The following MYCBP2 variants were observed in gnomAD, a reference collection of about 807,000 sequenced individuals.
MYCBP2 encodes the protein E3 ubiquitin-protein ligase MYCBP2.
A neutral mutation model predicts 525.3 loss-of-function variants in MYCBP2; 120 were observed. The observed-to-expected ratio is 0.23, with a 90% CI of 0.20 to 0.27. The LOEUF (loss-of-function observed/expected upper bound fraction) is 0.27. MYCBP2 is among the 10% of genes least tolerant of loss of function. MYCBP2 has a pLI of 1.00. For missense variants in MYCBP2, 4,149 were observed against 5,657.1 expected (o/e 0.73, Z 8.55); for synonymous variants, 1,894 against 1,955.8 (o/e 0.97, Z 0.83).
At position 77,051,794 on chromosome 13, in the gene MYCBP2, T is replaced by G. The variant is rs1480988281; in HGVS notation, c.13755+17A>C. On this transcript the variant is annotated intron_variant, in intron 81 of 82. Coordinates refer to ENST00000544440, the MANE Select transcript of MYCBP2 (RefSeq NM_015057.5). ...AACATTTCTAAACTGTTGTTTCTAA[T>G]AAAATGTTCTGCCTACCTGAGCCCT... 1.3e-6 allele frequency: 2 copies of G among 1,585,682 alleles called. No homozygotes were observed. The highest frequency in any genetic ancestry group is 1.7e-6 in the Non-Finnish European group (2 of 1,156,048).
At chr13:77,084,952 A>G (rs1007814971) in intron 62 of MYCBP2, among the ~76,000 whole-genome samples, 5 of 151,690 alleles carry the variant, frequency 3.3e-5, no homozygotes, top group Admixed American at 6.6e-5. Flanking sequence ...TCTTTTCCCA[A>G]TTGTGGGGCT....
At chr13:77,102,100 T>TTAC (rs2047156378) in intron 55 of MYCBP2, among the ~76,000 whole-genome samples, 1 of 151,898 alleles carries the variant, frequency 6.6e-6, no homozygotes, top group Non-Finnish European at 1.5e-5. Flanking sequence ...ACATGTTAAA[T>TTAC]GGTAAGCATT....
chr13:77,277,506 T>C (rs1209975031), intron 4 of MYCBP2, among the ~76,000 whole-genome samples: 1 of 151,906 alleles, frequency 6.6e-6, no homozygotes, highest in African/African-American at 2.4e-5. Flanking sequence ...AATAACTGAG[T>C]CCCCACATGC....
intron 43 of MYCBP2, 52 bp from the exon 44 acceptor site, chr13:77,162,007 T>C: frequency 7.9e-7 from 1 of 1,258,864 alleles, no homozygotes; most frequent in Non-Finnish European, 1.1e-6. Flanking sequence ...TTAGTTTAGT[T>C]TAATTTTCTA....
chr13:77,140,784 G>T, intron 50 of MYCBP2, 62 bp downstream of exon 50: 1 of 1,194,146 alleles, frequency 8.4e-7, no homozygotes, highest in Non-Finnish European at 1.2e-6. Flanking sequence ...TGGCCATTTT[G>T]AAGCATCAGT....
At chr13:77,105,242 G>T (rs1354582146) in intron 55 of MYCBP2, among the ~76,000 whole-genome samples, 1 of 152,036 alleles carries the variant, frequency 6.6e-6, no homozygotes, top group Non-Finnish European at 1.5e-5. Flanking sequence ...ACATAAAACA[G>T]AAATGTGAAA....
In MYCBP2 at chr13:77,125,448, T is replaced by C. The variant is rs943242118; in HGVS notation, c.7905A>G (p.Thr2635=). ...AVGEVTNSEG[T]WVQLDQNSMV... ...TGCTGTTCTGATCCAGTTGCACCCATGTCCCTTCAGAATTGGTTACCTGGT... is the reference window on the plus strand; with the variant it reads ...TGCTGTTCTGATCCAGTTGCACCCACGTCCCTTCAGAATTGGTTACCTGGT... The change falls in exon 54 of 83, where the codon ACA becomes ACG. Residue 2635 remains threonine (T), a synonymous_variant. Transcript: ENST00000544440. The C allele has an allele frequency of 5.6e-6, 9 of 1,613,692 alleles. No individual in the cohort carries two copies. The highest frequency in any genetic ancestry group is 7.6e-6 in the Non-Finnish European group (9 of 1,179,780).
At chr13:77,180,779 G>A (rs2060143711) in intron 33 of MYCBP2, among the ~76,000 whole-genome samples, 1 of 152,120 alleles carries the variant, frequency 6.6e-6, no homozygotes, top group Admixed American at 6.6e-5. Flanking sequence ...AGTTAGCTGG[G>A]TGTGGTGGTA....
intron 13 of MYCBP2, among the ~76,000 whole-genome samples, chr13:77,259,699 T>C (rs2072914121): frequency 6.6e-6 from 1 of 152,226 alleles, no homozygotes; most frequent in South Asian, 2.1e-4. Context: ...ATTACATATA[T>C]TTCTAATCAT....
At position 77,093,245 on chromosome 13, in the gene MYCBP2, G is replaced by A; in HGVS notation, c.10287C>T (p.Ala3429=). ...MRYLRSTSVP[A]PYISVTPDAS... is the part of the protein sequence containing the mutation. Reference sequence around the variant, plus strand: ...CATCAGGAGTTACTGATATATACGGGGCAGGTACAGATGTTGAACGTAGAT... The same window carrying A: ...CATCAGGAGTTACTGATATATACGGAGCAGGTACAGATGTTGAACGTAGAT... Residue 3429 remains alanine, a synonymous_variant, in exon 59 of 83, where the codon GCC becomes GCT. Transcript: ENST00000544440. The A allele has an allele frequency of 6.2e-7, 1 of 1,613,246 alleles. No individual in the cohort carries two copies. The highest frequency in any genetic ancestry group is 8.5e-7 in the Non-Finnish European group (1 of 1,179,460).
rs1159702497 is a variant in MYCBP2 at position 77,206,835 on chromosome 13, A to G, written c.3417-10T>C. 1.3e-6 allele frequency: 2 copies of G among 1,574,808 alleles called. No individual in the cohort carries two copies. The highest frequency in any genetic ancestry group is 3.8e-5 in the Admixed American group (2 of 52,448). ...AGTATTTGGTCGAAACCTTTAAAGA[A>G]AAAGAATAATTACAGCACCTCAATG... is the stretch of plus-strand genomic sequence containing the variant. On this transcript the variant is annotated splice_polypyrimidine_tract_variant and intron_variant, in intron 23 of 82. Transcript: ENST00000544440.
intron 37 of MYCBP2, among the ~76,000 whole-genome samples, chr13:77,174,079 A>C (rs1595127138): frequency 6.6e-6 from 1 of 152,244 alleles, no homozygotes; most frequent in Non-Finnish European, 1.5e-5. Context: ...CAAACATTTC[A>C]ATGATATTGA....
chr13:77,258,091 T>C (rs950460636), intron 13 of MYCBP2, among the ~76,000 whole-genome samples: 1 of 152,216 alleles, frequency 6.6e-6, no homozygotes, highest in South Asian at 2.1e-4. Context: ...TTCTCCTGAA[T>C]GCTTCCTCCA....
intron 52 of MYCBP2, 102 bp downstream of exon 52, chr13:77,139,094 T>C (rs2054192025): frequency 8.0e-7 from 1 of 1,244,092 alleles, no homozygotes; most frequent in South Asian, 1.8e-5. Context: ...AAAGGTTACT[T>C]AGTTGTGGGT....
At chr13:77,097,330 G>C in intron 56 of MYCBP2, 40 bp downstream of exon 56, 1 of 1,541,848 alleles carries the variant, frequency 6.5e-7, no homozygotes, top group Non-Finnish European at 8.7e-7. Context: ...GTTCATTAAA[G>C]AAAAAAGCAC....
chr13:77,089,139 A>G lies in MYCBP2; in HGVS notation c.10526-108T>C. 5.1e-6 allele frequency: 4 copies of G among 787,324 alleles called. No homozygotes were observed. The South Asian group carries it at 9.4e-5, about 19-fold the overall frequency. The allele number at this position is 787,324 out of a possible 1,614,324, so 48.8% of individuals were successfully genotyped here. On this transcript the variant is annotated intron_variant, in intron 60 of 82. Transcript: ENST00000544440. ...AGCCTTTGTCATTGGTTTTTTGAAC[A>G]TGACACAAATCATAACAATTTCAAC...
At position 77,278,736 on chromosome 13, in the gene MYCBP2, CTGAA is replaced by C; in HGVS notation, c.748+18_748+21del. On this transcript the variant is annotated intron_variant, in intron 4 of 82. Transcript: ENST00000544440. ...ATTATATTCACTTTTAAATGCTTCA[CTGAA>C]TGAGCCTTGGCTCTTACCTAGGACC... is the stretch of plus-strand genomic sequence containing the variant. 1 of 1,470,748 alleles carries C rather than the reference CTGAA, an allele frequency of 6.8e-7. No individual in the cohort carries two copies. Among genetic ancestry groups the C allele is most frequent in the Non-Finnish European group, 9.0e-7 (1 of 1,109,040 alleles). 91.1% of individuals were successfully genotyped at this position (1,470,748 alleles called of 1,614,324 possible). A position where few individuals can be genotyped will look rare whatever the true frequency, so the allele number is the denominator to read the frequency against.
At chr13:77,113,161 A>G (rs552833602) in intron 55 of MYCBP2, among the ~76,000 whole-genome samples, 1 of 152,256 alleles carries the variant, frequency 6.6e-6, no homozygotes, top group East Asian at 1.9e-4. Context: ...ATGCTCCATT[A>G]ACCTCCTTCC....
chr13:77,109,043 T>A (rs2048335016), intron 55 of MYCBP2, among the ~76,000 whole-genome samples: 1 of 152,190 alleles, frequency 6.6e-6, no homozygotes, highest in Non-Finnish European at 1.5e-5. Context: ...AGAAAGCAGG[T>A]ACCAGCAACT....
Sources: gnomAD v4.1 joint callset for allele counts (sites outside exome capture counted in the v4.1 genomes callset) on GRCh38, gnomAD v4.1.1 for gene constraint, MANE v1.5 for transcripts, NCBI Gene and HGNC (gene_info 2026-07-23, HGNC 2026-07-21) for gene names.